NKAIN2: variants seen among roughly 807,000 people sequenced by gnomAD.
The protein encoded by NKAIN2 is sodium/potassium-transporting ATPase subunit beta-1-interacting protein 2.
NKAIN2 carries 14 observed loss-of-function variants against 32.6 expected under a neutral mutation model. The ratio of observed to expected loss-of-function variants is 0.43; its 90% confidence interval spans 0.28 to 0.67. The LOEUF (loss-of-function observed/expected upper bound fraction) is 0.67. Among genes scored for constraint, NKAIN2 ranks in the 30% least tolerant of loss-of-function variants. The probability of loss-of-function intolerance (pLI) is 0.17; values close to 1 mark genes in which losing one functional copy is unlikely to be tolerated. For synonymous variants in NKAIN2, 80 were observed against 87.2 expected (o/e 0.92, Z 0.46); for missense variants, 198 against 258.3 (o/e 0.77, Z 1.60).
intron 1 of NKAIN2, among the ~76,000 whole-genome samples, chr6:124,229,517 T>TAGATAGATAGATAGAC (rs1268428197): frequency 3.5e-4 from 52 of 148,498 alleles, no homozygotes; most frequent in African/African-American, 1.3e-3. Context: ...GATAGATAGA[T>TAGATAGATAGATAGAC]AGATAGATAG....
At chr6:124,262,742 T>C (rs1003914834) in intron 1 of NKAIN2, among the ~76,000 whole-genome samples, 6 of 152,064 alleles carry the variant, frequency 3.9e-5, no homozygotes, top group African/African-American at 1.4e-4. Context: ...TGGTGACATA[T>C]GGAGGGTAGA....
At chr6:124,214,097 A>G (rs2114670642) in intron 1 of NKAIN2, among the ~76,000 whole-genome samples, 1 of 152,304 alleles carries the variant, frequency 6.6e-6, no homozygotes, top group East Asian at 1.9e-4. Context: ...AATAGACAAA[A>G]CAATAAATCA....
chr6:124,457,433 T>C (rs565866761), intron 3 of NKAIN2, among the ~76,000 whole-genome samples: 22 of 152,012 alleles, frequency 1.4e-4, no homozygotes, highest in Non-Finnish European at 2.6e-4. Flanking sequence ...TCATAAAGAT[T>C]ACCTGTGTTG....
intron 1 of NKAIN2, among the ~76,000 whole-genome samples, chr6:123,815,497 A>G (rs1463949230): frequency 6.6e-6 from 1 of 152,126 alleles, no homozygotes; most frequent in Non-Finnish European, 1.5e-5. Flanking sequence ...TCATATCTCT[A>G]GAGCAGTAGT....
intron 3 of NKAIN2, among the ~76,000 whole-genome samples, chr6:124,568,523 C>T (rs1351076390): frequency 3.3e-5 from 5 of 152,086 alleles, no homozygotes; most frequent in Non-Finnish European, 7.4e-5. Context: ...TAAGTAACTT[C>T]CCTGGGGTCA....
At chr6:124,031,718 T>C (rs1781413732) in intron 1 of NKAIN2, among the ~76,000 whole-genome samples, 1 of 151,998 alleles carries the variant, frequency 6.6e-6, no homozygotes, top group Non-Finnish European at 1.5e-5. Flanking sequence ...AGTTGAGCGA[T>C]TTTGAGTGAG....
At chr6:124,113,818 G>A (rs575878235) in intron 1 of NKAIN2, among the ~76,000 whole-genome samples, 22 of 152,270 alleles carry the variant, frequency 1.4e-4, no homozygotes, top group Non-Finnish European at 2.2e-4. Context: ...CATTCTCCCA[G>A]GATGCAGGAA....
At chr6:123,986,446 A>G (rs577260691) in intron 1 of NKAIN2, among the ~76,000 whole-genome samples, 1 of 152,296 alleles carries the variant, frequency 6.6e-6, no homozygotes, top group South Asian at 2.1e-4. Context: ...TACTGGGGCA[A>G]AAAGCAAGAT....
At chr6:124,731,748 A>C (rs1776689706) in intron 4 of NKAIN2, among the ~76,000 whole-genome samples, 2 of 152,154 alleles carry the variant, frequency 1.3e-5, no homozygotes, top group South Asian at 4.1e-4. Flanking sequence ...ATGAAAATAG[A>C]GACTTATTTT....
intron 3 of NKAIN2, among the ~76,000 whole-genome samples, chr6:124,531,690 T>C (rs1313192063): frequency 6.6e-6 from 1 of 152,198 alleles, no homozygotes; most frequent in African/African-American, 2.4e-5. Context: ...TCTGTTTTTT[T>C]CCAAGACGGA....
intron 1 of NKAIN2, among the ~76,000 whole-genome samples, chr6:124,029,022 T>C (rs943751236): frequency 6.6e-6 from 1 of 150,958 alleles, no homozygotes; most frequent in African/African-American, 2.4e-5. Context: ...AGATTGCTTT[T>C]AGAAATGATA....
At chr6:124,532,156 G>A (rs775504309) in intron 3 of NKAIN2, among the ~76,000 whole-genome samples, 8 of 152,174 alleles carry the variant, frequency 5.3e-5, no homozygotes, top group African/African-American at 1.7e-4. Context: ...GGAACAAGCC[G>A]TGGAAGAAGG....
chr6:124,025,585 G>C (rs953214575), intron 1 of NKAIN2, among the ~76,000 whole-genome samples: 1 of 152,138 alleles, frequency 6.6e-6, no homozygotes, highest in African/African-American at 2.4e-5. Flanking sequence ...CAAAGTTCCC[G>C]TTAGGTTGAA....
chr6:123,808,589 C>T (rs762880256), intron 1 of NKAIN2, among the ~76,000 whole-genome samples: 3 of 152,172 alleles, frequency 2.0e-5, no homozygotes, highest in Non-Finnish European at 4.4e-5. Context: ...GTTCACAAAG[C>T]AGGTAGCGAC....
At chr6:123,864,015 T>C (rs1775890410) in intron 1 of NKAIN2, among the ~76,000 whole-genome samples, 1 of 152,242 alleles carries the variant, frequency 6.6e-6, no homozygotes, top group African/African-American at 2.4e-5. Flanking sequence ...AAGAACATGA[T>C]AATCTTTTAA....
intron 1 of NKAIN2, among the ~76,000 whole-genome samples, chr6:123,940,313 T>A (rs235683): frequency 6.6e-6 from 1 of 151,466 alleles, no homozygotes; most frequent in Non-Finnish European, 1.5e-5. Context: ...TGTGTGTGTG[T>A]GTGTGTGTGT....
At chr6:124,440,671 A>G (rs775558523) in intron 3 of NKAIN2, among the ~76,000 whole-genome samples, 4 of 152,064 alleles carry the variant, frequency 2.6e-5, no homozygotes, top group East Asian at 3.9e-4. Context: ...CTAATGATCA[A>G]TATCATTTAG....
intron 3 of NKAIN2, among the ~76,000 whole-genome samples, chr6:124,398,373 C>T (rs1481646152): frequency 6.6e-6 from 1 of 150,690 alleles, no homozygotes; most frequent in East Asian, 1.9e-4. Context: ...GAGACGATGG[C>T]AGGATTCCAT....
intron 1 of NKAIN2, among the ~76,000 whole-genome samples, chr6:123,974,813 A>T (rs150451512): frequency 4.6e-5 from 7 of 152,298 alleles, no homozygotes; most frequent in African/African-American, 1.7e-4. Flanking sequence ...ATTTTAATGG[A>T]ACTCAGAGAA....
Sources: gnomAD v4.1 joint callset for allele counts (sites outside exome capture counted in the v4.1 genomes callset) on GRCh38, gnomAD v4.1.1 for gene constraint, MANE v1.5 for transcripts, NCBI Gene and HGNC (gene_info 2026-07-23, HGNC 2026-07-21) for gene names.